The following ZNF304 variants were observed in gnomAD, a reference collection of about 807,000 sequenced individuals.
ZNF304 encodes the protein KRAB-containing zinc finger protein.
ZNF304 carries 7 observed loss-of-function variants against 7.8 expected under a neutral mutation model. The observed-to-expected ratio is 0.90, with a 90% CI of 0.51 to 1.69. ZNF304 has a LOEUF of 1.69. Among genes scored for constraint, ZNF304 ranks in the 40% most tolerant of loss-of-function variants. The pLI is 0.00. For synonymous variants in ZNF304, 280 were observed against 272.4 expected (o/e 1.03, Z -0.27); for missense variants, 669 against 804.8 (o/e 0.83, Z 2.04).
intron 1 of ZNF304, 77 bp from the exon 2 acceptor site, chr19:57,353,648 G>C: frequency 6.6e-7 from 1 of 1,524,504 alleles, no homozygotes; most frequent in South Asian, 1.3e-5. Flanking sequence ...GAGTGGGTGT[G>C]TGAGTGTGTA....
chr19:57,353,365 T>G (rs1181080315), intron 1 of ZNF304, among the ~76,000 whole-genome samples: 1 of 152,076 alleles, frequency 6.6e-6, no homozygotes, highest in African/African-American at 2.4e-5. Context: ...CTTAAGACTC[T>G]AGTATTGGCA....
rs149349938 is a variant in ZNF304 at position 57,357,504 on chromosome 19, C to T, written c.1635C>T (p.Ser545=). 7.5e-5 allele frequency: 121 copies of T among 1,611,316 alleles called. No individual in the cohort carries two copies. The highest frequency in any genetic ancestry group is 9.5e-5 in the Non-Finnish European group (112 of 1,179,050). ...ECGKCFSHNS[S]LILHQRVHTG... is the part of the protein sequence containing the mutation. Reference sequence around the variant, plus strand: ...GGAAATGCTTTAGCCACAACTCCAGCCTCATTTTGCACCAGAGAGTTCACA... The same window carrying T: ...GGAAATGCTTTAGCCACAACTCCAGTCTCATTTTGCACCAGAGAGTTCACA... Residue 545 remains serine (S), a synonymous_variant, in exon 3 of 3, where the codon AGC becomes AGT. Coordinates refer to ENST00000282286, the MANE Select transcript of ZNF304 (RefSeq NM_020657.4).
chr19:57,353,436 C>T (rs953541034), intron 1 of ZNF304, among the ~76,000 whole-genome samples: 1 of 152,152 alleles, frequency 6.6e-6, no homozygotes, highest in Non-Finnish European at 1.5e-5. Flanking sequence ...CTGGACAACA[C>T]CAGGAGAACT....
At position 57,358,442 on chromosome 19, in the gene ZNF304, C is replaced by G. The variant is rs988004683; in HGVS notation, c.*593C>G. 9 of 153,070 alleles carry G rather than the reference C, an allele frequency of 5.9e-5. No homozygotes were observed. The highest frequency in any genetic ancestry group is 2.2e-4 in the African/African-American group (9 of 41,436). The allele number at this position is 153,070 out of a possible 1,614,324, so 9.5% of individuals were successfully genotyped here. ...TTACTTGTCTTACTGCCAAATCGCC[C>G]AAATTTGGAACTGCTTGTCCCATGC... On this transcript the variant is annotated 3_prime_UTR_variant, in exon 3 of 3. Coordinates refer to ENST00000282286, the MANE Select transcript of ZNF304 (RefSeq NM_020657.4).
At chr19:57,354,453 G>T (rs2088312227) in intron 2 of ZNF304, among the ~76,000 whole-genome samples, 1 of 152,232 alleles carries the variant, frequency 6.6e-6, no homozygotes, top group Admixed American at 6.5e-5. Flanking sequence ...TGGCTTGTTG[G>T]ACTGTGAGCA....
rs1358783273 is a variant in ZNF304 at position 57,358,444 on chromosome 19, A to G, written c.*595A>G. On this transcript the variant is annotated 3_prime_UTR_variant, in exon 3 of 3. Coordinates refer to ENST00000282286, the MANE Select transcript of ZNF304 (RefSeq NM_020657.4). ...ACTTGTCTTACTGCCAAATCGCCCA[A>G]ATTTGGAACTGCTTGTCCCATGCTG... 1 of 152,990 alleles carries G rather than the reference A, an allele frequency of 6.5e-6. No individual in the cohort carries two copies. Among genetic ancestry groups the G allele is most frequent in the East Asian group, 1.9e-4 (1 of 5,178 alleles). The allele number at this position is 152,990 out of a possible 1,614,324, so 9.5% of individuals were successfully genotyped here. A position where few individuals can be genotyped will look rare whatever the true frequency, so the allele number is the denominator to read the frequency against.
At chr19:57,352,609 G>A (rs535245688) in intron 1 of ZNF304, 1 of 152,316 alleles carries the variant, frequency 6.6e-6, no homozygotes, top group South Asian at 2.1e-4. Context: ...AGCAGAGGAG[G>A]GAGATGATCT....
At position 57,351,639 on chromosome 19, in the gene ZNF304, G is replaced by C. The variant is rs1211080920; in HGVS notation, c.-26G>C. 1 of 1,613,290 alleles carries C rather than the reference G, an allele frequency of 6.2e-7. No individual in the cohort carries two copies. The highest frequency in any genetic ancestry group is 8.5e-7 in the Non-Finnish European group (1 of 1,179,970). ...GCGTGGGGTTTCGGCTGAGCCCACA[G>C]GGCACAGACTGTTCATCCGCTTCTC... is the stretch of plus-strand genomic sequence containing the variant. On this transcript the variant is annotated 5_prime_UTR_variant, in exon 1 of 3. Transcript: ENST00000282286. The surrounding 1 kb of genome is among the most constrained non-coding windows in gnomAD (Gnocchi z 4.1).
chr19:57,352,481 C>T (rs1399111742), intron 1 of ZNF304, among the ~76,000 whole-genome samples: 3 of 152,082 alleles, frequency 2.0e-5, no homozygotes, highest in Non-Finnish European at 4.4e-5. Context: ...GAGTTTGGAG[C>T]GCTCAGGGAA....
At position 57,356,374 on chromosome 19, in the gene ZNF304, TGCAGGGAGG is replaced by T. The variant is rs1198315619; in HGVS notation, c.506_514del (p.Cys169_Glu172delinsTer). 1 of 1,614,178 alleles carries T rather than the reference TGCAGGGAGG, an allele frequency of 6.2e-7. No individual in the cohort carries two copies. Among genetic ancestry groups the T allele is most frequent in the Admixed American group, 1.7e-5 (1 of 60,022 alleles). On this transcript the variant is annotated stop_gained and inframe_deletion, in exon 3 of 3. Transcript: ENST00000282286. LOFTEE classifies it low-confidence loss of function (END_TRUNC). ...CCACATGTTAGGGAGATCCTTTACG[TGCAGGGAGG>T]AAGGGATGGACTTACCAGATAGCTC... is the stretch of plus-strand genomic sequence containing the variant.
At position 57,358,290 on chromosome 19, in the gene ZNF304, T is replaced by G. The variant is rs1322840252; in HGVS notation, c.*441T>G. On this transcript the variant is annotated 3_prime_UTR_variant, in exon 3 of 3. Transcript: ENST00000282286. The stretch of plus-strand genomic sequence containing the variant: ...TTGAGGGTCCTCATCTTTTCCCTCA[T>G]GATTAGGTTCTGAGCAAACATGATC... 1 of 133,776 alleles carries G rather than the reference T, an allele frequency of 7.5e-6. No individual in the cohort carries two copies. Among genetic ancestry groups the G allele is most frequent in the East Asian group, 2.5e-4 (1 of 3,962 alleles). The allele number at this position is 133,776 out of a possible 1,614,324, so 8.3% of individuals were successfully genotyped here. A position where few individuals can be genotyped will look rare whatever the true frequency, so the allele number is the denominator to read the frequency against.
intron 2 of ZNF304, among the ~76,000 whole-genome samples, chr19:57,354,990 C>T (rs947659155): frequency 3.3e-5 from 5 of 152,094 alleles, no homozygotes; most frequent in African/African-American, 1.2e-4. Context: ...GGGAGTTTTT[C>T]AGTCTGCTAA....
At position 57,357,125 on chromosome 19, in the gene ZNF304, A is replaced by G. The variant is rs761741190; in HGVS notation, c.1256A>G (p.Tyr419Cys). Residue 419 changes from tyrosine (Y) to cysteine (C), a missense_variant, in exon 3 of 3, where the codon TAT becomes TGT. Physicochemically the swap from Tyr to Cys is radical, Grantham distance 194 (BLOSUM62 -2). Transcript: ENST00000282286. ...HWRIHTGARP[Y>C]ECIECGKFFS... ...AGAATTCATACCGGGGCAAGGCCCT[A>G]TGAATGCATAGAATGTGGAAAATTC... is the stretch of plus-strand genomic sequence containing the variant. The G allele has an allele frequency of 5.6e-6, 9 of 1,613,280 alleles. No homozygotes were observed. Among genetic ancestry groups the G allele is most frequent in the South Asian group, 2.2e-5 (2 of 90,926 alleles).
At chr19:57,355,798 C>T (rs2088327838) in intron 2 of ZNF304, among the ~76,000 whole-genome samples, 1 of 152,230 alleles carries the variant, frequency 6.6e-6, no homozygotes, top group Non-Finnish European at 1.5e-5. Flanking sequence ...GAGGCTTCAC[C>T]TATACTCCCT....
Position 57,351,323 on chromosome 19 carries a change from G to C in ZNF304, c.-342G>C. On this transcript the variant is annotated 5_prime_UTR_variant, in exon 1 of 3. An upstream open reading frame in the 5' UTR loses its in-frame stop. Transcript: ENST00000282286. This position sits in a 1 kb window ranked among gnomAD's most constrained non-coding sequence, Gnocchi z 4.1. ...TTCTGGTTGTGAAGGCTGAGTTCTAGAGATCGGGTCGGCTTTCTACGCGGC... is the reference window on the plus strand; with the variant it reads ...TTCTGGTTGTGAAGGCTGAGTTCTACAGATCGGGTCGGCTTTCTACGCGGC... 2.9e-6 allele frequency: 1 copy of C among 347,166 alleles called. No homozygotes were observed. Among genetic ancestry groups the C allele is most frequent in the South Asian group, 4.0e-5 (1 of 25,246 alleles). 21.5% of individuals were successfully genotyped at this position (347,166 alleles called of 1,614,324 possible).
At position 57,351,569 on chromosome 19, in the gene ZNF304, A is replaced by G; in HGVS notation, c.-96A>G. ...GCGTTTTTACACCGGGTAGATTGAG[A>G]CTTGGAGTGCTACACTCAGCCCGAG... On this transcript the variant is annotated 5_prime_UTR_variant, in exon 1 of 3. Coordinates refer to ENST00000282286, the MANE Select transcript of ZNF304 (RefSeq NM_020657.4). This position sits in a 1 kb window ranked among gnomAD's most constrained non-coding sequence, Gnocchi z 4.1. The G allele has an allele frequency of 2.7e-6, 4 of 1,463,298 alleles. No homozygotes were observed. Among genetic ancestry groups the G allele is most frequent in the Non-Finnish European group, 3.8e-6 (4 of 1,051,844 alleles). 90.6% of individuals were successfully genotyped at this position (1,463,298 alleles called of 1,614,324 possible). A position where few individuals can be genotyped will look rare whatever the true frequency, so the allele number is the denominator to read the frequency against.
rs116584867 is a variant in ZNF304 at position 57,359,540 on chromosome 19, T to G, written c.*1691T>G. Reference sequence around the variant, plus strand: ...GTGTACACCTATGAAACCACCACAGTCAAGATATCCAACACAACAAAAGAT... The same window carrying G: ...GTGTACACCTATGAAACCACCACAGGCAAGATATCCAACACAACAAAAGAT... On this transcript the variant is annotated 3_prime_UTR_variant, in exon 3 of 3. Transcript: ENST00000282286. The G allele has an allele frequency of 6.6e-6, 1 of 152,214 alleles. No homozygotes were observed. Among genetic ancestry groups the G allele is most frequent in the Admixed American group, 6.5e-5 (1 of 15,278 alleles). 9.4% of individuals were successfully genotyped at this position (152,214 alleles called of 1,614,324 possible). A position where few individuals can be genotyped will look rare whatever the true frequency, so the allele number is the denominator to read the frequency against.
At position 57,356,689 on chromosome 19, in the gene ZNF304, A is replaced by G. The variant is rs764628381; in HGVS notation, c.820A>G (p.Ser274Gly). Reference protein sequence around the residue: ...SALINHRKIHSGEISHVCKEC... With the variant: ...SALINHRKIHGGEISHVCKEC... ...TCTTATTAATCACAGAAAAATCCAC[A>G]GTGGAGAAATATCTCATGTGTGTAA... The change falls in exon 3 of 3, where the codon AGT becomes GGT. Residue 274 changes from serine (S) to glycine (G), a missense_variant. Transcript: ENST00000282286. The G allele has an allele frequency of 1.2e-6, 2 of 1,614,246 alleles. No individual in the cohort carries two copies. Among genetic ancestry groups the G allele is most frequent in the Admixed American group, 1.7e-5 (1 of 60,034 alleles).
At position 57,358,236 on chromosome 19, in the gene ZNF304, TCCC is replaced by T. The variant is rs112059698; in HGVS notation, c.*397_*399del. The T allele has an allele frequency of 3.7e-5, 4 of 107,886 alleles. No homozygotes were observed. The highest frequency in any genetic ancestry group is 1.5e-4 in the African/African-American group (4 of 27,088). 6.7% of individuals were successfully genotyped at this position (107,886 alleles called of 1,614,324 possible). Reference sequence around the variant, plus strand: ...GTAATCATGAATATTTTCAAGGACTTCCCCCCCCCCCCACTTCACCCCCTACCA... The same window carrying T: ...GTAATCATGAATATTTTCAAGGACTTCCCCCCCCCACTTCACCCCCTACCA... On this transcript the variant is annotated 3_prime_UTR_variant, in exon 3 of 3. Transcript: ENST00000282286.
Sources: allele counts gnomAD v4.1 joint callset (sites outside exome capture counted in the v4.1 genomes callset), GRCh38; gene constraint gnomAD v4.1.1; non-coding constraint Gnocchi (gnomAD v3.1); transcripts MANE v1.5; gene names NCBI Gene and HGNC (gene_info 2026-07-23, HGNC 2026-07-21).